BLTP1: variants seen among roughly 807,000 people sequenced by gnomAD.
BLTP1 encodes bridge-like lipid transfer protein family member 1.
chr4:122,263,936 T>C, the BLTP1 span: 1 of 240,844 alleles, frequency 4.2e-6, no homozygotes, highest in Admixed American at 6.5e-5. Context: ...TTAATTTATC[T>C]AGATCCCTCT....
At chr4:122,155,309 C>CAG in the BLTP1 span, among the ~76,000 whole-genome samples, 1 of 151,038 alleles carries the variant, frequency 6.6e-6, no homozygotes. Flanking sequence ...CATTAATGTA[C>CAG]AGTGGGAAGC....
the BLTP1 span, among the ~76,000 whole-genome samples, chr4:122,265,350 G>A: frequency 6.6e-6 from 1 of 151,854 alleles, no homozygotes; most frequent in Non-Finnish European, 1.5e-5. Flanking sequence ...CACTGTATTG[G>A]GTTTTTATTT....
At chr4:122,192,970 T>C in the BLTP1 span, among the ~76,000 whole-genome samples, 59 of 152,280 alleles carry the variant, frequency 3.9e-4, no homozygotes, top group Non-Finnish European at 7.1e-4. Context: ...GGTGGCATGA[T>C]TGGTTCCTTC....
chr4:122,189,856 C>CAA, the BLTP1 span: 1 of 1,281,514 alleles, frequency 7.8e-7, no homozygotes, highest in Non-Finnish European at 1.0e-6. Context: ...AGATGTTTTT[C>CAA]TTTCTTTTCA....
chr4:122,316,909 AATC>A, the BLTP1 span: 3 of 1,315,756 alleles, frequency 2.3e-6, no homozygotes, highest in Non-Finnish European at 3.1e-6. Flanking sequence ...CTAATTTTAG[AATC>A]ATAAGATGTT....
chr4:122,212,150 G>T, the BLTP1 span: 3 of 780,738 alleles, frequency 3.8e-6, no homozygotes, highest in African/African-American at 5.6e-5. Context: ...TGCAGGAAGT[G>T]CTGGCTGAAC....
chr4:122,172,711 G>A, the BLTP1 span, among the ~76,000 whole-genome samples: 1 of 152,146 alleles, frequency 6.6e-6, no homozygotes, highest in Non-Finnish European at 1.5e-5. Context: ...TGAGTTTTTG[G>A]CCTAATAAAG....
the BLTP1 span, chr4:122,204,842 T>C: frequency 1.1e-6 from 1 of 874,796 alleles, no homozygotes; most frequent in Non-Finnish European, 1.4e-6. Context: ...GAGGTAAGCA[T>C]AGATTATGTA....
the BLTP1 span, among the ~76,000 whole-genome samples, chr4:122,314,614 T>C: frequency 6.6e-6 from 1 of 152,128 alleles, no homozygotes; most frequent in African/African-American, 2.4e-5. Flanking sequence ...GGTTAGTAGA[T>C]TGCCAGTCTC....
At chr4:122,293,652 G>A in the BLTP1 span, among the ~76,000 whole-genome samples, 1 of 152,084 alleles carries the variant, frequency 6.6e-6, no homozygotes, top group Non-Finnish European at 1.5e-5. Flanking sequence ...CTGGCCCTGG[G>A]AATTCCAGCA....
chr4:122,154,285 C>G, the BLTP1 span: 16 of 970,772 alleles, frequency 1.6e-5, no homozygotes, highest in East Asian at 7.1e-4. Context: ...ACGCCATTCT[C>G]CTGCCTCAGC....
chr4:122,316,945 G>C, the BLTP1 span: 1 of 953,448 alleles, frequency 1.0e-6, no homozygotes, highest in East Asian at 2.8e-5. Flanking sequence ...AACTGTATTT[G>C]GTCTAATACA....
At chr4:122,215,449 G>A in the BLTP1 span, 1 of 985,386 alleles carries the variant, frequency 1.0e-6, no homozygotes, top group Non-Finnish European at 1.2e-6. Context: ...TTAGTATGCT[G>A]AAACCTAATA....
chr4:122,245,468 C>A, the BLTP1 span, among the ~76,000 whole-genome samples: 3 of 152,080 alleles, frequency 2.0e-5, no homozygotes, highest in Admixed American at 1.3e-4. Flanking sequence ...TTTTCTAAGA[C>A]AGCTGTTTAT....
chr4:122,292,628 A>C, the BLTP1 span: 1 of 925,102 alleles, frequency 1.1e-6, no homozygotes, highest in Non-Finnish European at 1.3e-6. Context: ...TGAAAATTGA[A>C]AAAGAATCTG....
the BLTP1 span, among the ~76,000 whole-genome samples, chr4:122,223,517 C>T: frequency 6.6e-6 from 1 of 151,944 alleles, no homozygotes; most frequent in Non-Finnish European, 1.5e-5. Context: ...TATTAATGAA[C>T]CTGGGGGAGA....
the BLTP1 span, chr4:122,244,630 GAA>G: frequency 3.0e-6 from 3 of 983,974 alleles, no homozygotes; most frequent in Non-Finnish European, 3.6e-6. Context: ...GTTGGGAAGA[GAA>G]AAGGGGTTCG....
chr4:122,308,091 T>C, the BLTP1 span: 1 of 1,613,492 alleles, frequency 6.2e-7, no homozygotes, highest in Non-Finnish European at 8.5e-7. Flanking sequence ...CCCAGGCCTT[T>C]GGGACTCTTT....
At chr4:122,184,861 T>C in the BLTP1 span, 1 of 984,714 alleles carries the variant, frequency 1.0e-6, no homozygotes, top group Non-Finnish European at 1.2e-6. Context: ...AATGAACAGC[T>C]GCTCTAGCTG....
Sources: gnomAD v4.1 joint callset for allele counts (sites outside exome capture counted in the v4.1 genomes callset) on GRCh38, gnomAD v4.1.1 for gene constraint, MANE v1.5 for transcripts, NCBI Gene and HGNC (gene_info 2026-07-23, HGNC 2026-07-21) for gene names.